Variants in EIF3E observed in about 807,000 individuals in gnomAD.
The protein encoded by EIF3E is eukaryotic translation initiation factor 3 subunit E, also known as eIF-3 p48.
Under a neutral mutation model 59.3 loss-of-function variants are expected in EIF3E, and 25 were observed. That is an observed-to-expected ratio of 0.42 (90% CI 0.31 to 0.59). The LOEUF (loss-of-function observed/expected upper bound fraction) is 0.59. EIF3E is among the 20% of genes least tolerant of loss of function. The pLI is 0.15. For missense variants in EIF3E, 317 were observed against 534.3 expected (o/e 0.59, Z 4.01); for synonymous variants, 176 against 170.2 (o/e 1.03, Z -0.26).
intron 9 of EIF3E, among the ~76,000 whole-genome samples, chr8:108,215,763 T>G (rs2129864540): frequency 6.6e-6 from 1 of 152,320 alleles, no homozygotes; most frequent in South Asian, 2.1e-4. Flanking sequence ...CAGTAACTTG[T>G]GAATCTGGTA....
At chr8:108,215,259 T>C (rs1336980620) in intron 9 of EIF3E, among the ~76,000 whole-genome samples, 2 of 150,850 alleles carry the variant, frequency 1.3e-5, no homozygotes, top group Admixed American at 6.6e-5. Context: ...ATGCAATATA[T>C]GACTACAAAA....
At chr8:108,241,758 C>G in intron 2 of EIF3E, 41 bp downstream of exon 2, 1 of 1,248,146 alleles carries the variant, frequency 8.0e-7, no homozygotes. Context: ...CACACATCCT[C>G]AAGTCACAAG....
intron 5 of EIF3E, among the ~76,000 whole-genome samples, chr8:108,232,240 A>T (rs893093327): frequency 5.3e-5 from 8 of 152,190 alleles, no homozygotes; most frequent in Non-Finnish European, 7.4e-5. Context: ...CCAATATGCC[A>T]ACAGGAAGCA....
intron 7 of EIF3E, among the ~76,000 whole-genome samples, chr8:108,223,589 T>C (rs1484639446): frequency 3.3e-5 from 5 of 152,192 alleles, no homozygotes; most frequent in Admixed American, 1.3e-4. Context: ...TAACTGAACT[T>C]TGCATCTTTC....
chr8:108,243,862 T>C (rs1406952209), intron 1 of EIF3E, among the ~76,000 whole-genome samples: 1 of 152,088 alleles, frequency 6.6e-6, no homozygotes, highest in Non-Finnish European at 1.5e-5. Flanking sequence ...TAATCTTAAA[T>C]AAAAACATTC....
intron 1 of EIF3E, among the ~76,000 whole-genome samples, chr8:108,244,352 CCGT>C (rs775289176): frequency 2.6e-5 from 4 of 152,208 alleles, no homozygotes; most frequent in Non-Finnish European, 5.9e-5. Context: ...GTCTGCTGAT[CCGT>C]CGTCTATCAA....
chr8:108,225,213 T>G (rs913123616), intron 7 of EIF3E, among the ~76,000 whole-genome samples: 10 of 151,572 alleles, frequency 6.6e-5, no homozygotes, highest in African/African-American at 1.7e-4. Context: ...TTCTAGAAAA[T>G]GAAGTGAGCC....
At chr8:108,224,857 C>CTA (rs1815490066) in intron 7 of EIF3E, among the ~76,000 whole-genome samples, 2 of 151,568 alleles carry the variant, frequency 1.3e-5, no homozygotes, top group East Asian at 3.8e-4. Flanking sequence ...TCAAACTATA[C>CTA]TAGCAGTCCC....
intron 7 of EIF3E, among the ~76,000 whole-genome samples, chr8:108,226,032 T>G (rs912774292): frequency 6.6e-6 from 1 of 152,198 alleles, no homozygotes; most frequent in Non-Finnish European, 1.5e-5. Flanking sequence ...TAAAACCAAG[T>G]AACATTCTTT....
At chr8:108,219,964 G>A (rs1234003699) in intron 7 of EIF3E, among the ~76,000 whole-genome samples, 2 of 152,118 alleles carry the variant, frequency 1.3e-5, no homozygotes, top group Non-Finnish European at 2.9e-5. Flanking sequence ...CCAACACGGT[G>A]AAACCCTGTC....
At chr8:108,243,864 A>C (rs1454744513) in intron 1 of EIF3E, among the ~76,000 whole-genome samples, 2 of 152,114 alleles carry the variant, frequency 1.3e-5, no homozygotes, top group Non-Finnish European at 2.9e-5. Flanking sequence ...ATCTTAAATA[A>C]AAACATTCTT....
chr8:108,239,979 G>A lies in EIF3E; in HGVS notation c.302C>T (p.Thr101Ile). Residue 101 changes from threonine (T) to isoleucine (I), a missense_variant, in exon 3 of 13, where the codon ACA becomes ATA. By Grantham distance (89) the Thr-to-Ile change is moderately conservative (BLOSUM62 -1). Around this residue, in one of 4 missense-constraint regions of EIF3E, gnomAD observed 242 missense variants for 398.0 expected, o/e 0.61. Coordinates refer to ENST00000220849, the MANE Select transcript of EIF3E (RefSeq NM_001568.3). ...TTACCTGGTTGACTGCATTTGCCTTGTAGTTTCTGGATCTTCAAACATCTT... is the reference window on the plus strand; with the variant it reads ...TTACCTGGTTGACTGCATTTGCCTTATAGTTTCTGGATCTTCAAACATCTT... ...IVKMFEDPET[T>I]RQMQSTRDGR... 1 of 1,613,914 alleles carries A rather than the reference G, an allele frequency of 6.2e-7. No individual in the cohort carries two copies. Among genetic ancestry groups the A allele is most frequent in the Non-Finnish European group, 8.5e-7 (1 of 1,179,880 alleles).
chr8:108,248,414 C>T (rs1411421770), intron 1 of EIF3E, among the ~76,000 whole-genome samples, 199 bp downstream of exon 1: 1 of 152,162 alleles, frequency 6.6e-6, no homozygotes, highest in East Asian at 1.9e-4. Context: ...CGTAACCTCC[C>T]TCCTCCTCAC....
At chr8:108,208,797 T>G (rs892548063) in intron 10 of EIF3E, among the ~76,000 whole-genome samples, 1 of 152,084 alleles carries the variant, frequency 6.6e-6, no homozygotes, top group Non-Finnish European at 1.5e-5. Context: ...ATAATTTGTT[T>G]TCATCTACAA....
intron 1 of EIF3E, chr8:108,242,186 T>A (rs1216699812): frequency 2.2e-6 from 3 of 1,334,090 alleles, no homozygotes; most frequent in Non-Finnish European, 2.9e-6. Context: ...TTATTTTTTA[T>A]GTGTCCCTAC....
rs1317894995 is a variant in EIF3E at position 108,241,930 on chromosome 8, C to T, written c.91-17G>A. On this transcript the variant is annotated splice_polypyrimidine_tract_variant and intron_variant, in intron 1 of 12. Transcript: ENST00000220849. ...ATTATATATCTGCAAAAGAAGATAA[C>T]TTTCTAATGAATATATTTAAGTTCC... is the stretch of plus-strand genomic sequence containing the variant. 1.3e-6 allele frequency: 2 copies of T among 1,494,382 alleles called. No individual in the cohort carries two copies. The highest frequency in any genetic ancestry group is 2.5e-5 in the South Asian group (2 of 81,536). The allele number at this position is 1,494,382 out of a possible 1,614,324, so 92.6% of individuals were successfully genotyped here.
chr8:108,239,451 C>T (rs1192451328), intron 3 of EIF3E, among the ~76,000 whole-genome samples: 1 of 152,168 alleles, frequency 6.6e-6, no homozygotes, highest in East Asian at 1.9e-4. Context: ...ATTCACTTGC[C>T]TCCACCTCCC....
chr8:108,212,412 A>G (rs1815229331), intron 10 of EIF3E, among the ~76,000 whole-genome samples: 1 of 152,256 alleles, frequency 6.6e-6, no homozygotes, highest in Non-Finnish European at 1.5e-5. Context: ...ATCACTACAG[A>G]AAATTCTACT....
intron 8 of EIF3E, among the ~76,000 whole-genome samples, 172 bp downstream of exon 8, chr8:108,217,162 A>C (rs1563630089): frequency 6.6e-6 from 1 of 152,156 alleles, no homozygotes. Flanking sequence ...TCTTGGACTT[A>C]AGGAAAACAA....
Sources: gnomAD v4.1 joint callset for allele counts (sites outside exome capture counted in the v4.1 genomes callset) on GRCh38, gnomAD v4.1.1 for gene constraint, gnomAD v4.1.1 regional missense constraint, MANE v1.5 for transcripts, NCBI Gene and HGNC (gene_info 2026-07-23, HGNC 2026-07-21) for gene names.